The following MIER3 variants were observed in gnomAD, a reference collection of about 807,000 sequenced individuals.
The protein encoded by MIER3 is mesoderm induction early response protein 3.
A neutral mutation model predicts 63.2 loss-of-function variants in MIER3; 9 were observed. The observed-to-expected ratio is 0.14, with a 90% CI of 0.09 to 0.25. The LOEUF (loss-of-function observed/expected upper bound fraction) is 0.25. Among genes scored for constraint, MIER3 ranks in the 10% least tolerant of loss-of-function variants. The pLI, the probability that MIER3 is intolerant of heterozygous loss-of-function variation, is 1.00. For missense variants in MIER3, 512 were observed against 666.2 expected, an observed-to-expected ratio of 0.77 and a Z score of 2.55; for synonymous variants, 205 against 224.9, an observed-to-expected ratio of 0.91 and a Z score of 0.79.
At chr5:56,928,909 T>A in intron 9 of MIER3, 48 bp from the exon 10 acceptor site, 1 of 1,300,706 alleles carries the variant, frequency 7.7e-7, no homozygotes, top group Non-Finnish European at 1.1e-6. Flanking sequence ...AATTTTCTTA[T>A]GTGAATCACT....
intron 3 of MIER3, among the ~76,000 whole-genome samples, chr5:56,944,117 AG>A (rs139060143): frequency 0.018 from 2,691 of 152,306 alleles, 43 homozygotes; most frequent in East Asian, 0.078. Flanking sequence ...ATCAGGATGT[AG>A]CCTGATACTA....
chr5:56,923,104 G>A lies in MIER3; in HGVS notation c.*24C>T, dbSNP rs534413816. 3.6e-5 allele frequency: 58 copies of A among 1,597,368 alleles called. 1 individual carries two copies. The South Asian group carries it at 4.3e-4, about 12-fold the overall frequency. Reference sequence around the variant, plus strand: ...CCTCAAGTTTACTGGTGCTGCACACGCAGTTCCGGGATCCTCACTCAGGTC... The same window carrying A: ...CCTCAAGTTTACTGGTGCTGCACACACAGTTCCGGGATCCTCACTCAGGTC... On this transcript the variant is annotated 3_prime_UTR_variant, in exon 13 of 13. Coordinates refer to ENST00000381199, the MANE Select transcript of MIER3 (RefSeq NM_001297599.2).
chr5:56,923,753 G>A lies in MIER3; in HGVS notation c.1133C>T (p.Pro378Leu), dbSNP rs1749806871. The change falls in exon 12 of 13, where the codon CCT becomes CTT. Residue 378 changes from proline (P) to leucine (L), a missense_variant. Pro to Leu is a moderately conservative substitution (Grantham distance 98). Around this residue, in one of 5 missense-constraint regions of MIER3, gnomAD observed 218 missense variants for 251.2 expected, o/e 0.87. Transcript: ENST00000381199. ...TAGCTGTTGATCAGGAATAGGCTCAGGCCGGTTAGAAGTTAAGGCTGAAGC... is the reference window on the plus strand; with the variant it reads ...TAGCTGTTGATCAGGAATAGGCTCAAGCCGGTTAGAAGTTAAGGCTGAAGC... The part of the protein sequence containing the change: ...VNASALTSNR[P>L]EPIPDQQLNI... The A allele has an allele frequency of 4.3e-6, 7 of 1,614,204 alleles. No individual in the cohort carries two copies. The highest frequency in any genetic ancestry group is 1.6e-4 in the Middle Eastern group (1 of 6,062).
At chr5:56,950,717 A>G (rs1439741569) in intron 1 of MIER3, 65 bp from the exon 2 acceptor site, 1 of 1,588,468 alleles carries the variant, frequency 6.3e-7, no homozygotes, top group African/African-American at 1.4e-5. Context: ...AGCGCCGGCA[A>G]CAGGGCGCAG....
At chr5:56,924,235 C>A (rs1465356404) in intron 10 of MIER3, among the ~76,000 whole-genome samples, 193 bp from the exon 11 acceptor site, 1 of 151,404 alleles carries the variant, frequency 6.6e-6, no homozygotes, top group Non-Finnish European at 1.5e-5. Flanking sequence ...ATAATGAGGC[C>A]ATTTTCGAAA....
At chr5:56,924,607 G>C (rs1345179068) in intron 10 of MIER3, among the ~76,000 whole-genome samples, 1 of 152,218 alleles carries the variant, frequency 6.6e-6, no homozygotes, top group Non-Finnish European at 1.5e-5. Context: ...TGACTTGCTA[G>C]CTAAAGGCAG....
Position 56,950,656 on chromosome 5 carries a change from G to GGA in MIER3, c.10-6_10-5dup, listed in dbSNP as rs768714956. ...GGCTCGAACTTCCAAAAGAAGCCTA[G>GGA]GAGAGAGAGAAGAAAACGTGAGGTT... is the stretch of plus-strand genomic sequence containing the variant. On this transcript the variant is annotated splice_region_variant and splice_polypyrimidine_tract_variant and intron_variant, in intron 1 of 12. Transcript: ENST00000381199. The GGA allele has an allele frequency of 3.0e-5, 49 of 1,613,420 alleles. No homozygotes were observed. Among genetic ancestry groups the GGA allele is most frequent in the Non-Finnish European group, 4.0e-5 (47 of 1,179,716 alleles).
At chr5:56,946,812 G>T in intron 3 of MIER3, 114 bp downstream of exon 3, 1 of 810,490 alleles carries the variant, frequency 1.2e-6, no homozygotes, top group Non-Finnish European at 1.8e-6. Flanking sequence ...CCCAAAATAA[G>T]AGTGAAAAAA....
At chr5:56,949,609 T>C (rs1750947607) in intron 2 of MIER3, among the ~76,000 whole-genome samples, 1 of 152,204 alleles carries the variant, frequency 6.6e-6, no homozygotes, top group African/African-American at 2.4e-5. Context: ...CTTGGTGTTA[T>C]AATACCTTAA....
At chr5:56,945,101 G>C (rs962125142) in intron 3 of MIER3, among the ~76,000 whole-genome samples, 2 of 152,190 alleles carry the variant, frequency 1.3e-5, no homozygotes, top group Non-Finnish European at 2.9e-5. Context: ...CTGAATTTTT[G>C]AATTTTTCTC....
At position 56,921,754 on chromosome 5, in the gene MIER3, A is replaced by C. The variant is rs1471990764; in HGVS notation, c.*1374T>G. The C allele has an allele frequency of 1.3e-5, 2 of 152,658 alleles. No homozygotes were observed. The highest frequency in any genetic ancestry group is 2.9e-5 in the Non-Finnish European group (2 of 68,040). 9.5% of individuals were successfully genotyped at this position (152,658 alleles called of 1,614,324 possible). ...TTTTGCAAAGCAACTAGTAAAAATC[A>C]AGAATTTTAATTAAGACGGTGCAAA... On this transcript the variant is annotated 3_prime_UTR_variant, in exon 13 of 13. Coordinates refer to ENST00000381199, the MANE Select transcript of MIER3 (RefSeq NM_001297599.2).
chr5:56,930,924 TG>T (rs1750244004), intron 8 of MIER3, among the ~76,000 whole-genome samples, 179 bp from the exon 9 acceptor site: 1 of 152,240 alleles, frequency 6.6e-6, no homozygotes, highest in African/African-American at 2.4e-5. Flanking sequence ...TCATGCAGAT[TG>T]ACTCTGGTAC....
chr5:56,935,380 T>TGGTA (rs1194714742), intron 7 of MIER3, 48 bp downstream of exon 7: 1 of 1,381,814 alleles, frequency 7.2e-7, no homozygotes, highest in Non-Finnish European at 1.0e-6. Flanking sequence ...ACTTATCAAG[T>TGGTA]GGTAACCTTA....
intron 10 of MIER3, among the ~76,000 whole-genome samples, chr5:56,925,752 A>G (rs1247916396): frequency 6.6e-6 from 1 of 152,124 alleles, no homozygotes; most frequent in African/African-American, 2.4e-5. Flanking sequence ...CAACAAACTA[A>G]TTTTATATGG....
Position 56,923,168 on chromosome 5 carries a change from G to A in MIER3, c.1613C>T (p.Ala538Val). Residue 538 changes from alanine to valine, a missense_variant, in exon 13 of 13, where the codon GCC becomes GTC. Physicochemically the swap from Ala to Val is moderately conservative, Grantham distance 64 (BLOSUM62 0). Around this residue, in one of 5 missense-constraint regions of MIER3, gnomAD observed 218 missense variants for 251.2 expected, o/e 0.87. Transcript: ENST00000381199. ...GGCCGCGTGCTGATGCAGAGCATGG[G>A]CACTGATGAAACCATTGGTCTCGTT... Reference protein sequence around the residue: ...SANETNGFISAHALHQHAALH... With the variant: ...SANETNGFISVHALHQHAALH... 1 of 1,613,912 alleles carries A rather than the reference G, an allele frequency of 6.2e-7. No individual in the cohort carries two copies. The highest frequency in any genetic ancestry group is 8.5e-7 in the Non-Finnish European group (1 of 1,179,950).
chr5:56,942,223 G>C (rs1442621723), intron 3 of MIER3, among the ~76,000 whole-genome samples: 1 of 152,232 alleles, frequency 6.6e-6, no homozygotes, highest in Non-Finnish European at 1.5e-5. Flanking sequence ...GGAGAGGGTA[G>C]AGAGAAAAGA....
At chr5:56,932,324 C>T (rs1579846425) in intron 8 of MIER3, among the ~76,000 whole-genome samples, 1 of 152,150 alleles carries the variant, frequency 6.6e-6, no homozygotes, top group Middle Eastern at 3.4e-3. Flanking sequence ...AATACACACA[C>T]ATATAAAAGA....
chr5:56,923,928 GATGGTT>G lies in MIER3; in HGVS notation c.1033_1038del (p.Asn345_His346del). 1 of 1,614,074 alleles carries G rather than the reference GATGGTT, an allele frequency of 6.2e-7. No homozygotes were observed. Among genetic ancestry groups the G allele is most frequent in the Non-Finnish European group, 8.5e-7 (1 of 1,179,982 alleles). On this transcript the variant is annotated inframe_deletion, in exon 11 of 13. Coordinates refer to ENST00000381199, the MANE Select transcript of MIER3 (RefSeq NM_001297599.2). ...CACAGTACTTACGTAACTCCAGGGT[GATGGTT>G]ATATCTTTTTTTCCCAAATCTTGTC...
intron 3 of MIER3, 34 bp from the exon 4 acceptor site, chr5:56,939,051 A>C: frequency 6.2e-7 from 1 of 1,610,480 alleles, no homozygotes; most frequent in South Asian, 1.1e-5. Flanking sequence ...CGGACTCAGC[A>C]GATGTCACAA....
Sources: allele counts gnomAD v4.1 joint callset (sites outside exome capture counted in the v4.1 genomes callset), GRCh38; gene constraint gnomAD v4.1.1; regional missense constraint gnomAD v4.1.1; transcripts MANE v1.5; gene names NCBI Gene and HGNC (gene_info 2026-07-23, HGNC 2026-07-21).